Variants in HACE1 observed in about 807,000 individuals in gnomAD.
The protein encoded by HACE1 is HECT domain and ankyrin repeat containing E3 ubiquitin protein ligase 1.
A neutral mutation model predicts 118.4 loss-of-function variants in HACE1; 73 were observed. That is an observed-to-expected ratio of 0.62 (90% confidence interval 0.51 to 0.75). HACE1 has a LOEUF of 0.75. Ranked by LOEUF, HACE1 falls within the 30% of genes least tolerant of loss-of-function variation. The pLI, the probability that HACE1 is intolerant of heterozygous loss-of-function variation, is 0.00. For synonymous variants in HACE1, 368 were observed against 374.8 expected, an observed-to-expected ratio of 0.98 and a Z score of 0.21; for missense variants, 749 against 1,102.2, an observed-to-expected ratio of 0.68 and a Z score of 4.54.
chr6:104,759,709 T>C (rs923735079), intron 19 of HACE1, among the ~76,000 whole-genome samples: 1 of 151,766 alleles, frequency 6.6e-6, no homozygotes, highest in African/African-American at 2.4e-5. Context: ...CAGAGCAGAA[T>C]TGAAGGAGAC....
intron 5 of HACE1, among the ~76,000 whole-genome samples, chr6:104,841,831 CTA>C (rs1164277102): frequency 2.6e-5 from 4 of 152,100 alleles, no homozygotes; most frequent in African/African-American, 7.2e-5. Context: ...TAACATAATT[CTA>C]TGTTATCTCT....
At chr6:104,761,485 G>A (rs566585315) in intron 19 of HACE1, among the ~76,000 whole-genome samples, 3 of 152,150 alleles carry the variant, frequency 2.0e-5, no homozygotes, top group Non-Finnish European at 4.4e-5. Context: ...TGGGAAAACT[G>A]GCTAGCCATA....
intron 1 of HACE1, among the ~76,000 whole-genome samples, chr6:104,854,603 C>CAA (rs879610167): frequency 7.1e-6 from 1 of 141,740 alleles, no homozygotes. Context: ...GATAGTGATT[C>CAA]AAAAAAAAAA....
At chr6:104,779,804 T>C (rs1159738759) in intron 14 of HACE1, among the ~76,000 whole-genome samples, 1 of 152,058 alleles carries the variant, frequency 6.6e-6, no homozygotes, top group Non-Finnish European at 1.5e-5. Context: ...GAAAAGAATA[T>C]ACCTACTTCA....
intron 6 of HACE1, among the ~76,000 whole-genome samples, chr6:104,819,948 G>A (rs922257150): frequency 2.0e-5 from 3 of 152,132 alleles, no homozygotes; most frequent in Non-Finnish European, 4.4e-5. Context: ...TGTAATCCCA[G>A]CACTTTGGGA....
chr6:104,827,399 C>G (rs75245866), intron 6 of HACE1, among the ~76,000 whole-genome samples: 8,361 of 152,134 alleles, frequency 0.055, 243 homozygotes, highest in South Asian at 0.076. Context: ...AAACTCCCAA[C>G]TCACTAATCA....
At chr6:104,773,117 T>C (rs1359035816) in intron 17 of HACE1, among the ~76,000 whole-genome samples, 2 of 152,204 alleles carry the variant, frequency 1.3e-5, no homozygotes, top group Non-Finnish European at 2.9e-5. Flanking sequence ...TTTCTTTTCC[T>C]ATTTTTCCTA....
chr6:104,789,182 A>G (rs1483377320), intron 11 of HACE1, among the ~76,000 whole-genome samples: 1 of 152,124 alleles, frequency 6.6e-6, no homozygotes, highest in Non-Finnish European at 1.5e-5. Context: ...TGTAAATGGA[A>G]GGGCAGATCA....
At chr6:104,793,661 T>G (rs1343479179) in intron 10 of HACE1, among the ~76,000 whole-genome samples, 1 of 152,196 alleles carries the variant, frequency 6.6e-6, no homozygotes, top group Non-Finnish European at 1.5e-5. Flanking sequence ...AGGGTCAACA[T>G]TACTTCACAT....
At chr6:104,737,450 G>T (rs1025724174) in intron 22 of HACE1, among the ~76,000 whole-genome samples, 9 of 152,126 alleles carry the variant, frequency 5.9e-5, no homozygotes, top group African/African-American at 2.2e-4. Context: ...GCAGACAGTG[G>T]GCGCAGGTCA....
Position 104,746,786 on chromosome 6 carries a change from G to A in HACE1, c.2344-2176C>T, listed in dbSNP as rs528002353. Among the ~76,000 whole-genome samples, 7 of 152,292 alleles carry A rather than the reference G, an allele frequency of 4.6e-5. No homozygotes were observed. The East Asian group carries it at 1.2e-3, about 25-fold the overall frequency. On this transcript the variant is annotated intron_variant, in intron 20 of 23. Transcript: ENST00000262903. ...AAATTCTGTTCCCTGACAGGACTCT[G>A]ATATAGGTTTGCTAAAAGGGAGTGG...
intron 22 of HACE1, among the ~76,000 whole-genome samples, chr6:104,735,399 G>A (rs1403422257): frequency 1.3e-5 from 2 of 152,156 alleles, no homozygotes; most frequent in Non-Finnish European, 1.5e-5. Flanking sequence ...TTGGGAGGCC[G>A]AGGCGGGCAG....
At chr6:104,741,469 A>T (rs1463994673) in intron 22 of HACE1, among the ~76,000 whole-genome samples, 1 of 146,974 alleles carries the variant, frequency 6.8e-6, no homozygotes, top group Non-Finnish European at 1.5e-5. Flanking sequence ...AAGTCTCAGG[A>T]TACAAAATCA....
Position 104,849,018 on chromosome 6 carries a change from C to T in HACE1, c.326+124G>A, listed in dbSNP as rs948157125. The T allele has an allele frequency of 2.1e-5, 14 of 677,968 alleles. No homozygotes were observed. In the East Asian group the frequency reaches 2.2e-4, roughly 11 times the overall value. 42.0% of individuals were successfully genotyped at this position (677,968 alleles called of 1,614,324 possible). ...AAAAAAATATAGAAAATAAAATATG[C>T]ACCATTATTTTAGTTTTTCCCAAGG... is the stretch of plus-strand genomic sequence containing the variant. On this transcript the variant is annotated intron_variant, in intron 4 of 23. Transcript: ENST00000262903.
At position 104,772,009 on chromosome 6, in the gene HACE1, C is replaced by A. The variant is rs1278856446; in HGVS notation, c.1930G>T (p.Ala644Ser). The change falls in exon 18 of 24, where the codon GCT becomes TCT. Residue 644 changes from alanine to serine, a missense_variant. Around this residue, in one of 5 missense-constraint regions of HACE1, gnomAD observed 195 missense variants for 322.1 expected, o/e 0.61. Coordinates refer to ENST00000262903, the MANE Select transcript of HACE1 (RefSeq NM_020771.4). ...AACGCTAATCCCAAGATCTGCCCAG[C>A]AAACCGAAAATAGTTCAAGTGATCA... Reference protein sequence around the residue: ...NPDHLNYFRFAGQILGLALNH... With the variant: ...NPDHLNYFRFSGQILGLALNH... The A allele has an allele frequency of 6.2e-7, 1 of 1,610,158 alleles. No individual in the cohort carries two copies. Among genetic ancestry groups the A allele is most frequent in the South Asian group, 1.1e-5 (1 of 90,938 alleles).
At chr6:104,754,387 T>C (rs1427146963) in intron 19 of HACE1, among the ~76,000 whole-genome samples, 1 of 152,058 alleles carries the variant, frequency 6.6e-6, no homozygotes, top group Non-Finnish European at 1.5e-5. Context: ...ACATTCAAAT[T>C]CAGGAAATGC....
chr6:104,750,318 T>C, intron 20 of HACE1, 23 bp downstream of exon 20: 1 of 1,601,590 alleles, frequency 6.2e-7, no homozygotes, highest in Non-Finnish European at 8.6e-7. Flanking sequence ...TGTTACAACA[T>C]AAGAACTGAT....
Position 104,730,306 on chromosome 6 carries a change from G to A in HACE1, c.2624C>T (p.Thr875Ile). 1 of 1,398,558 alleles carries A rather than the reference G, an allele frequency of 7.2e-7. No homozygotes were observed. Among genetic ancestry groups the A allele is most frequent in the Non-Finnish European group, 1.0e-6 (1 of 982,932 alleles). The allele number at this position is 1,398,558 out of a possible 1,614,324, so 86.6% of individuals were successfully genotyped here. Reference protein sequence around the residue: ...YTPNLLPTSSTCINMLKLPEY... With the variant: ...YTPNLLPTSSICINMLKLPEY... ...TAAATAAACCAAGTCAACATACCAT[G>A]TGCTTGAAGTTGGTAAAAGATTTGG... The change falls in exon 23 of 24, where the codon ACA becomes ATA. Residue 875 changes from threonine to isoleucine, a missense_variant. By Grantham distance (89) the Thr-to-Ile change is moderately conservative. Coordinates refer to ENST00000262903, the MANE Select transcript of HACE1 (RefSeq NM_020771.4).
intron 19 of HACE1, among the ~76,000 whole-genome samples, chr6:104,757,075 C>T (rs1051650555): frequency 1.2e-4 from 19 of 152,120 alleles, no homozygotes; most frequent in African/African-American, 3.9e-4. Flanking sequence ...TTGAACTGGG[C>T]GGTGGCCACT....
Sources: gnomAD v4.1 joint callset for allele counts (sites outside exome capture counted in the v4.1 genomes callset) on GRCh38, gnomAD v4.1.1 for gene constraint, gnomAD v4.1.1 regional missense constraint, MANE v1.5 for transcripts, NCBI Gene and HGNC (gene_info 2026-07-23, HGNC 2026-07-21) for gene names.